SNAP23: variants seen among roughly 807,000 people sequenced by gnomAD.
SNAP23 encodes synaptosome associated protein 23, also known as synaptosomal-associated protein 23.
Under a neutral mutation model 29.0 loss-of-function variants are expected in SNAP23, and 11 were observed. The ratio of observed to expected loss-of-function variants is 0.38; its 90% CI spans 0.24 to 0.63. The LOEUF is 0.63. Ranked by LOEUF, SNAP23 falls within the 20% of genes least tolerant of loss-of-function variation. The pLI is 0.58. For missense variants in SNAP23, 220 were observed against 253.9 expected (o/e 0.87, Z 0.91); for synonymous variants, 60 against 82.9 (o/e 0.72, Z 1.50).
At chr15:42,502,201 G>GT (rs1471138176) in intron 1 of SNAP23, among the ~76,000 whole-genome samples, 2 of 135,254 alleles carry the variant, frequency 1.5e-5, no homozygotes, top group African/African-American at 3.3e-5. Context: ...CTAATTTTCT[G>GT]TTTTTTAGTA....
At chr15:42,491,896 A>C (rs2057168323), upstream of SNAP23, among the ~76,000 whole-genome samples, 1 of 134,554 alleles carries the variant, frequency 7.4e-6, no homozygotes, top group Non-Finnish European at 1.6e-5. Flanking sequence ...TTTATTATTT[A>C]TTTATTTAGT....
Position 42,508,343 on chromosome 15 carries a change from C to CT in SNAP23, c.-14-3486dup, listed in dbSNP as rs1264962728. ...AAAACTCCCGTCTACAGAGGGCGGA[C>CT]TTTTATATCTGCAGGTTCCTCAGGG... On this transcript the variant is annotated intron_variant, in intron 1 of 7. Coordinates refer to ENST00000249647, the MANE Select transcript of SNAP23 (RefSeq NM_003825.4). 4.6e-5 allele frequency among the ~76,000 whole-genome samples: 7 copies of CT among 152,076 alleles called. No homozygotes were observed. In the East Asian group the frequency reaches 1.4e-3, roughly 29 times the overall value.
At chr15:42,522,846 T>TTTTA (rs2057461090) in intron 5 of SNAP23, among the ~76,000 whole-genome samples, 1 of 137,924 alleles carries the variant, frequency 7.3e-6, no homozygotes, top group South Asian at 2.4e-4. Context: ...ACTTGCCTTT[T>TTTTA]TTTTTTTTTT....
At chr15:42,491,818 G>A (rs183172905), upstream of SNAP23, among the ~76,000 whole-genome samples, 430 of 152,154 alleles carry the variant, frequency 2.8e-3, no homozygotes, top group African/African-American at 9.7e-3. Context: ...CTCGGCTCAA[G>A]TGATCTGCCT....
chr15:42,495,619 G>C (rs1041944958), upstream of SNAP23: 2 of 152,372 alleles, frequency 1.3e-5, no homozygotes, highest in Non-Finnish European at 2.9e-5. Flanking sequence ...GCAGGCGCGC[G>C]GGCTCGGCGC....
At chr15:42,515,950 C>G (rs993227360) in intron 5 of SNAP23, among the ~76,000 whole-genome samples, 1 of 152,068 alleles carries the variant, frequency 6.6e-6, no homozygotes. Context: ...CAGGGAGGAA[C>G]AGTGAGGGCA....
At chr15:42,527,564 T>C (rs1566820366) in intron 5 of SNAP23, among the ~76,000 whole-genome samples, 1 of 151,976 alleles carries the variant, frequency 6.6e-6, no homozygotes, top group Non-Finnish European at 1.5e-5. Context: ...GTTTGTATTT[T>C]TTTATAGAGA....
chr15:42,525,158 G>T (rs1019196292), intron 5 of SNAP23, among the ~76,000 whole-genome samples: 7 of 85,556 alleles, frequency 8.2e-5, no homozygotes, highest in African/African-American at 4.0e-4. Context: ...ACGAGGTCAG[G>T]AGATCGAGAC....
chr15:42,526,449 C>T (rs1164996680), intron 5 of SNAP23, among the ~76,000 whole-genome samples: 1 of 152,096 alleles, frequency 6.6e-6, no homozygotes, highest in African/African-American at 2.4e-5. Flanking sequence ...TTTGCCTTTG[C>T]AATGCCTCTC....
At chr15:42,514,725 G>A (rs550758689) in intron 4 of SNAP23, among the ~76,000 whole-genome samples, 4 of 144,988 alleles carry the variant, frequency 2.8e-5, no homozygotes, top group East Asian at 2.0e-4. Context: ...TTTTTCGAGC[G>A]GGAGTCCCAC....
intron 5 of SNAP23, among the ~76,000 whole-genome samples, chr15:42,527,544 C>A (rs1202039270): frequency 6.6e-6 from 1 of 152,044 alleles, no homozygotes; most frequent in Non-Finnish European, 1.5e-5. Flanking sequence ...TGCCACCACA[C>A]CCAGCTAATG....
chr15:42,508,452 CAG>C (rs1205579204), intron 1 of SNAP23, among the ~76,000 whole-genome samples: 1 of 152,130 alleles, frequency 6.6e-6, no homozygotes, highest in African/African-American at 2.4e-5. Context: ...CTCAAGAACA[CAG>C]AGTAATCTTA....
chr15:42,527,643 AT>A (rs1487334684), intron 5 of SNAP23, among the ~76,000 whole-genome samples: 1 of 149,028 alleles, frequency 6.7e-6, no homozygotes, highest in African/African-American at 2.5e-5. Flanking sequence ...GCCGAGGTGG[AT>A]GGATCACTTG....
intron 5 of SNAP23, among the ~76,000 whole-genome samples, chr15:42,521,240 G>GA (rs2057446673): frequency 6.6e-6 from 1 of 151,958 alleles, no homozygotes; most frequent in Admixed American, 6.6e-5. Flanking sequence ...AAATTACAAT[G>GA]AAAAAATATA....
chr15:42,497,533 C>CG lies in SNAP23; in HGVS notation c.-15+1824dup, dbSNP rs557673611. Among the ~76,000 whole-genome samples, 113 of 151,870 alleles carry CG rather than the reference C, an allele frequency of 7.4e-4. 1 individual carries two copies. The East Asian group carries it at 0.02, about 26-fold the overall frequency. On this transcript the variant is annotated intron_variant, in intron 1 of 7. Coordinates refer to ENST00000249647, the MANE Select transcript of SNAP23 (RefSeq NM_003825.4). ...TAATTTTTGCATTTTTTAGTAGAGA[C>CG]GGGGTTTCACTCTATTGGCCAGGCT...
chr15:42,528,385 A>C lies in SNAP23; in HGVS notation c.390A>C (p.Pro130=), dbSNP rs374131173. 2.2e-5 allele frequency: 35 copies of C among 1,614,054 alleles called. No individual in the cohort carries two copies. The highest frequency in any genetic ancestry group is 3.0e-5 in the Non-Finnish European group (35 of 1,180,022). ...GPVTNGQLQQ[P]TTGAASGGYI... is the part of the protein sequence containing the mutation. ...TGACAAATGGTCAGCTTCAGCAACC[A>C]ACAACGGGAGCAGCCAGTGGTGGAT... Residue 130 remains proline (P), a synonymous_variant, in exon 6 of 8, where the codon CCA becomes CCC. Transcript: ENST00000249647.
chr15:42,522,124 T>A (rs1595527342), intron 5 of SNAP23: 1 of 152,688 alleles, frequency 6.5e-6, no homozygotes, highest in African/African-American at 2.4e-5. Context: ...CAAGATTTCC[T>A]CTATTAAAGT....
intron 5 of SNAP23, among the ~76,000 whole-genome samples, chr15:42,526,391 T>G (rs578185780): frequency 6.6e-6 from 1 of 152,288 alleles, no homozygotes; most frequent in Admixed American, 6.5e-5. Context: ...TAACTTAAAG[T>G]GGTACCATGA....
chr15:42,529,521 T>C (rs2057540834), intron 6 of SNAP23, among the ~76,000 whole-genome samples, 154 bp from the exon 7 acceptor site: 1 of 152,248 alleles, frequency 6.6e-6, no homozygotes, highest in Admixed American at 6.5e-5. Context: ...TCCCAGTTTT[T>C]ATTATAGAAT....
Sources: gnomAD v4.1 joint callset for allele counts (sites outside exome capture counted in the v4.1 genomes callset) on GRCh38, gnomAD v4.1.1 for gene constraint, MANE v1.5 for transcripts, NCBI Gene and HGNC (gene_info 2026-07-23, HGNC 2026-07-21) for gene names.